LUZP2: variants seen among roughly 807,000 people sequenced by gnomAD.
The protein encoded by LUZP2 is leucine zipper protein 2.
LUZP2 carries 52 observed loss-of-function variants against 51.6 expected under a neutral mutation model. The ratio of observed to expected loss-of-function variants is 1.01; its 90% CI spans 0.81 to 1.27. The LOEUF is 1.27. Ranked by LOEUF, LUZP2 falls within the 50% of genes most tolerant of loss-of-function variation. The pLI, the probability that LUZP2 is intolerant of heterozygous loss-of-function variation, is 0.00. For synonymous variants in LUZP2, 154 were observed against 137.3 expected (o/e 1.12, Z -0.85); for missense variants, 436 against 395.4 (o/e 1.10, Z -0.87).
intron 1 of LUZP2, among the ~76,000 whole-genome samples, chr11:24,507,989 T>C (rs1200004602): frequency 6.6e-6 from 1 of 150,790 alleles, no homozygotes; most frequent in African/African-American, 2.4e-5. Flanking sequence ...AATAATATAA[T>C]ATTTATAATA....
intron 6 of LUZP2, among the ~76,000 whole-genome samples, chr11:24,910,592 G>A (rs1853596913): frequency 6.6e-6 from 1 of 152,172 alleles, no homozygotes; most frequent in Non-Finnish European, 1.5e-5. Flanking sequence ...CCTTCCATGT[G>A]GTATTGAGCC....
chr11:24,880,742 G>C (rs1565045241), intron 5 of LUZP2, among the ~76,000 whole-genome samples: 1 of 151,940 alleles, frequency 6.6e-6, no homozygotes, highest in Non-Finnish European at 1.5e-5. Context: ...TGAAGAATGT[G>C]TGTGTGTGTG....
At chr11:25,034,040 C>A (rs2404010) in intron 9 of LUZP2, among the ~76,000 whole-genome samples, 86,924 of 151,922 alleles carry the variant, frequency 0.57, 26,172 homozygotes, top group African/African-American at 0.75. Flanking sequence ...ATTTACATTC[C>A]CACCAACAGT....
chr11:24,842,638 T>G (rs993593698), intron 5 of LUZP2, among the ~76,000 whole-genome samples: 6 of 152,046 alleles, frequency 3.9e-5, no homozygotes, highest in African/African-American at 1.4e-4. Flanking sequence ...ATATTTCTTT[T>G]TCTTTTGGCT....
At chr11:25,043,195 T>C (rs898058655) in intron 9 of LUZP2, among the ~76,000 whole-genome samples, 3 of 152,134 alleles carry the variant, frequency 2.0e-5, no homozygotes, top group Non-Finnish European at 4.4e-5. Flanking sequence ...GATTTTTCTG[T>C]TGTAGACCAA....
intron 1 of LUZP2, among the ~76,000 whole-genome samples, chr11:24,665,151 G>T (rs929631351): frequency 2.0e-5 from 3 of 152,192 alleles, no homozygotes; most frequent in African/African-American, 7.2e-5. Flanking sequence ...TGATCTGGAT[G>T]TGAAACATGG....
chr11:24,877,248 C>A (rs2134282473), intron 5 of LUZP2, among the ~76,000 whole-genome samples: 1 of 152,116 alleles, frequency 6.6e-6, no homozygotes, highest in Non-Finnish European at 1.5e-5. Context: ...ATTCCTGCAA[C>A]TTTTCAAGTA....
chr11:24,719,566 G>T (rs181244594), intron 1 of LUZP2, among the ~76,000 whole-genome samples: 3 of 152,176 alleles, frequency 2.0e-5, no homozygotes, highest in Non-Finnish European at 4.4e-5. Context: ...ATATAGAGAA[G>T]TTAACACAGC....
intron 1 of LUZP2, among the ~76,000 whole-genome samples, chr11:24,689,365 A>G (rs968941477): frequency 3.9e-5 from 6 of 152,134 alleles, no homozygotes; most frequent in Non-Finnish European, 7.4e-5. Flanking sequence ...TCTCTTACCA[A>G]TTGAGCATTC....
chr11:24,528,019 A>G (rs1474160951), intron 1 of LUZP2, among the ~76,000 whole-genome samples: 1 of 151,268 alleles, frequency 6.6e-6, no homozygotes, highest in Non-Finnish European at 1.5e-5. Context: ...GTCTTTGCAG[A>G]GGTCTTTCTA....
At chr11:24,518,730 A>T (rs549397359) in intron 1 of LUZP2, among the ~76,000 whole-genome samples, 1 of 152,326 alleles carries the variant, frequency 6.6e-6, no homozygotes, top group East Asian at 1.9e-4. Context: ...AAATTCTCTG[A>T]AAAAGAATTT....
At chr11:24,539,523 C>T (rs781681379) in intron 1 of LUZP2, among the ~76,000 whole-genome samples, 1 of 151,890 alleles carries the variant, frequency 6.6e-6, no homozygotes, top group Non-Finnish European at 1.5e-5. Flanking sequence ...CAAGCATACA[C>T]TATGCTTTTA....
chr11:24,953,647 G>A (rs1175674764), intron 7 of LUZP2, among the ~76,000 whole-genome samples: 1 of 151,992 alleles, frequency 6.6e-6, no homozygotes, highest in Non-Finnish European at 1.5e-5. Context: ...TGTAAATACA[G>A]AGACTTTTCA....
At chr11:24,842,145 TATA>T (rs1217928832) in intron 5 of LUZP2, among the ~76,000 whole-genome samples, 2 of 150,618 alleles carry the variant, frequency 1.3e-5, no homozygotes, top group Non-Finnish European at 3.0e-5. Context: ...TATTAGACAA[TATA>T]ATATTTAAGA....
At chr11:24,656,537 A>G (rs576598465) in intron 1 of LUZP2, among the ~76,000 whole-genome samples, 11 of 152,286 alleles carry the variant, frequency 7.2e-5, no homozygotes, top group African/African-American at 2.6e-4. Context: ...TGTGTCACTG[A>G]GGTAAAATCA....
chr11:24,679,894 A>G (rs1325233439), intron 1 of LUZP2, among the ~76,000 whole-genome samples: 1 of 152,086 alleles, frequency 6.6e-6, no homozygotes, highest in East Asian at 1.9e-4. Context: ...CATAATATAC[A>G]CTCACTGGAT....
At chr11:24,915,795 A>T (rs1853772099) in intron 7 of LUZP2, among the ~76,000 whole-genome samples, 1 of 149,236 alleles carries the variant, frequency 6.7e-6, no homozygotes, top group Admixed American at 6.7e-5. Flanking sequence ...TCTTGCCATT[A>T]AAAAAAAATG....
intron 6 of LUZP2, 147 bp from the exon 7 acceptor site, chr11:24,914,329 C>A (rs1853731020): frequency 3.2e-6 from 2 of 620,660 alleles, no homozygotes; most frequent in Admixed American, 7.0e-5. Context: ...CAAAGCAGAG[C>A]TAAGGGTTTC....
At chr11:24,854,666 T>C (rs1329731909) in intron 5 of LUZP2, among the ~76,000 whole-genome samples, 1 of 23,140 alleles carries the variant, frequency 4.3e-5, no homozygotes, top group African/African-American at 1.3e-4. Context: ...CACTGGGATA[T>C]GAAAAAAAAA....
Sources: gnomAD v4.1 joint callset for allele counts (sites outside exome capture counted in the v4.1 genomes callset) on GRCh38, gnomAD v4.1.1 for gene constraint, MANE v1.5 for transcripts, NCBI Gene and HGNC (gene_info 2026-07-23, HGNC 2026-07-21) for gene names.